LUZP2: variants seen among roughly 807,000 people sequenced by gnomAD.
LUZP2 encodes leucine zipper protein 2.
A neutral mutation model predicts 51.6 loss-of-function variants in LUZP2; 52 were observed. That is an observed-to-expected ratio of 1.01 (90% confidence interval 0.81 to 1.27). The LOEUF is 1.27. Among genes scored for constraint, LUZP2 ranks in the 50% most tolerant of loss-of-function variants. LUZP2 has a pLI of 0.00. For missense variants in LUZP2, 436 were observed against 395.4 expected (o/e 1.10, Z -0.87); for synonymous variants, 154 against 137.3 (o/e 1.12, Z -0.85).
intron 9 of LUZP2, among the ~76,000 whole-genome samples, chr11:24,991,652 T>C (rs1266117274): frequency 2.0e-5 from 3 of 152,004 alleles, no homozygotes; most frequent in African/African-American, 7.2e-5. Flanking sequence ...CACACTGTTT[T>C]CCATAGTGGT....
chr11:24,695,572 T>A (rs1857220547), intron 1 of LUZP2, among the ~76,000 whole-genome samples: 1 of 152,048 alleles, frequency 6.6e-6, no homozygotes, highest in African/African-American at 2.4e-5. Context: ...TATCTGTCTA[T>A]CTCACTGTAA....
At chr11:24,584,548 C>T (rs867425630) in intron 1 of LUZP2, among the ~76,000 whole-genome samples, 7 of 152,278 alleles carry the variant, frequency 4.6e-5, no homozygotes, top group Non-Finnish European at 7.3e-5. Flanking sequence ...AGAGAGCCCT[C>T]AGTAAAGTTT....
intron 1 of LUZP2, among the ~76,000 whole-genome samples, chr11:24,542,420 A>G (rs1313074317): frequency 6.6e-6 from 1 of 152,068 alleles, no homozygotes; most frequent in African/African-American, 2.4e-5. Context: ...TTAAGACACA[A>G]GAAAAAGGGA....
chr11:24,564,990 T>C (rs1272640823), intron 1 of LUZP2, among the ~76,000 whole-genome samples: 2 of 152,156 alleles, frequency 1.3e-5, no homozygotes, highest in African/African-American at 2.4e-5. Flanking sequence ...ATCCCAGATT[T>C]GGGGATAGAC....
chr11:24,734,371 G>GA (rs11325413), intron 3 of LUZP2, among the ~76,000 whole-genome samples: 3 of 151,078 alleles, frequency 2.0e-5, no homozygotes, highest in Non-Finnish European at 4.4e-5. Context: ...CAAAAATCAG[G>GA]AAAAAAAAAT....
chr11:24,689,809 T>A (rs1857013511), intron 1 of LUZP2, among the ~76,000 whole-genome samples: 1 of 152,174 alleles, frequency 6.6e-6, no homozygotes, highest in Non-Finnish European at 1.5e-5. Flanking sequence ...AAGCATTCAC[T>A]CCTTTTTCAT....
rs1851566835 is a variant in LUZP2 at position 24,856,395 on chromosome 11, G to T, written c.397-49596G>T. ...AAACCAAAATGAGATACCATCTCAT[G>T]CCAGTCAGAATGGCTATTATTAAAA... On this transcript the variant is annotated intron_variant, in intron 5 of 11. Transcript: ENST00000336930. Among the ~76,000 whole-genome samples, 3 of 152,044 alleles carry T rather than the reference G, an allele frequency of 2.0e-5. No homozygotes were observed. The South Asian group carries it at 6.2e-4, about 31-fold the overall frequency.
At chr11:24,510,639 C>A (rs373229310) in intron 1 of LUZP2, among the ~76,000 whole-genome samples, 81 of 152,176 alleles carry the variant, frequency 5.3e-4, no homozygotes, top group African/African-American at 1.9e-3. Flanking sequence ...ACTTCATCAA[C>A]CCTTACTCTG....
chr11:24,508,114 G>T (rs1227703662), intron 1 of LUZP2, among the ~76,000 whole-genome samples: 3 of 152,012 alleles, frequency 2.0e-5, no homozygotes, highest in African/African-American at 7.2e-5. Flanking sequence ...AGAAACTAAG[G>T]CACATGAGAT....
At chr11:24,898,307 A>T (rs1853151119) in intron 5 of LUZP2, among the ~76,000 whole-genome samples, 1 of 152,138 alleles carries the variant, frequency 6.6e-6, no homozygotes, top group Non-Finnish European at 1.5e-5. Context: ...AATCTGGCCA[A>T]ATAGCAGTAA....
intron 1 of LUZP2, among the ~76,000 whole-genome samples, chr11:24,669,760 G>A (rs1856342065): frequency 6.6e-6 from 1 of 151,992 alleles, no homozygotes; most frequent in African/African-American, 2.4e-5. Flanking sequence ...TGCAAAATAG[G>A]CACCTGGTCT....
At chr11:24,948,071 T>C (rs1484769376) in intron 7 of LUZP2, among the ~76,000 whole-genome samples, 1 of 151,874 alleles carries the variant, frequency 6.6e-6, no homozygotes, top group African/African-American at 2.4e-5. Context: ...GTGTGCTTAA[T>C]GGTGTCCCAC....
chr11:24,792,539 C>T (rs1001176618), intron 5 of LUZP2, among the ~76,000 whole-genome samples: 2 of 152,050 alleles, frequency 1.3e-5, no homozygotes, highest in South Asian at 4.1e-4. Flanking sequence ...TATATTACCA[C>T]ATATCTTTAT....
At chr11:24,879,893 A>G (rs887137981) in intron 5 of LUZP2, among the ~76,000 whole-genome samples, 1 of 151,962 alleles carries the variant, frequency 6.6e-6, no homozygotes, top group Non-Finnish European at 1.5e-5. Flanking sequence ...GTCTCTTTTC[A>G]GCTCCTGAAG....
At position 25,045,173 on chromosome 11, in the gene LUZP2, G is replaced by A. The variant is rs576260103; in HGVS notation, c.766-4865G>A. ...GTATACATATGTAACAAACCTGCAC[G>A]TTGTGCACATGTGCCCTAAAACTTA... is the stretch of plus-strand genomic sequence containing the variant. On this transcript the variant is annotated intron_variant, in intron 9 of 11. Coordinates refer to ENST00000336930, the MANE Select transcript of LUZP2 (RefSeq NM_001009909.4). 9.9e-5 allele frequency among the ~76,000 whole-genome samples: 15 copies of A among 151,812 alleles called. No homozygotes were observed. In the East Asian group the frequency reaches 1.8e-3, roughly 18 times the overall value.
chr11:24,721,539 A>C (rs140945656), intron 1 of LUZP2, among the ~76,000 whole-genome samples: 27 of 152,322 alleles, frequency 1.8e-4, no homozygotes, highest in Admixed American at 3.3e-4. Flanking sequence ...CCATTCTTGC[A>C]GAAAGTATGA....
At chr11:25,037,940 G>C (rs1319574441) in intron 9 of LUZP2, among the ~76,000 whole-genome samples, 2 of 151,722 alleles carry the variant, frequency 1.3e-5, no homozygotes, top group Non-Finnish European at 2.9e-5. Context: ...ACATGCCTTG[G>C]GGATAGTCCA....
intron 5 of LUZP2, among the ~76,000 whole-genome samples, chr11:24,817,439 C>T (rs558197985): frequency 6.6e-6 from 1 of 151,980 alleles, no homozygotes; most frequent in Non-Finnish European, 1.5e-5. Flanking sequence ...CCCTAATTTA[C>T]AAATGAGGAG....
chr11:24,634,309 A>G lies in LUZP2; in HGVS notation c.63-94860A>G, dbSNP rs76525718. 4.3e-3 allele frequency among the ~76,000 whole-genome samples: 649 copies of G among 152,190 alleles called. 6 individuals carry two copies. Among genetic ancestry groups the G allele is most frequent in the African/African-American group, 0.013 (554 of 41,564 alleles). Reference sequence around the variant, plus strand: ...ACTATTCCATATTACAAGGGTGGTAATGTATACCATAATCAGATACAAACA... The same window carrying G: ...ACTATTCCATATTACAAGGGTGGTAGTGTATACCATAATCAGATACAAACA... On this transcript the variant is annotated intron_variant, in intron 1 of 11. Coordinates refer to ENST00000336930, the MANE Select transcript of LUZP2 (RefSeq NM_001009909.4).
Sources: gnomAD v4.1 joint callset for allele counts (sites outside exome capture counted in the v4.1 genomes callset) on GRCh38, gnomAD v4.1.1 for gene constraint, MANE v1.5 for transcripts, NCBI Gene and HGNC (gene_info 2026-07-23, HGNC 2026-07-21) for gene names.